ADAMTSL1: variants seen among roughly 807,000 people sequenced by gnomAD.
The protein encoded by ADAMTSL1 is ADAMTS like 1.
ADAMTSL1 carries 126 observed loss-of-function variants against 201.8 expected under a neutral mutation model. The observed-to-expected ratio is 0.62, with a 90% CI of 0.54 to 0.72. The LOEUF is 0.72. Ranked by LOEUF, ADAMTSL1 falls within the 30% of genes least tolerant of loss-of-function variation. ADAMTSL1 has a pLI of 0.00. For missense variants in ADAMTSL1, 2,679 were observed against 2,277.8 expected (o/e 1.18, Z -3.59); for synonymous variants, 1,121 against 903.4 (o/e 1.24, Z -4.32).
intron 1 of ADAMTSL1, among the ~76,000 whole-genome samples, chr9:18,062,196 T>G (rs1389236091): frequency 6.6e-6 from 1 of 152,244 alleles, no homozygotes. Flanking sequence ...TTCTGGAACA[T>G]TTCAGGTTTA....
At chr9:18,327,498 T>TC (rs1386916269) in intron 2 of ADAMTSL1, among the ~76,000 whole-genome samples, 2 of 152,214 alleles carry the variant, frequency 1.3e-5, no homozygotes, top group African/African-American at 4.8e-5. Context: ...TAGGCATTTT[T>TC]CCCCTCTTAT....
intron 5 of ADAMTSL1, among the ~76,000 whole-genome samples, chr9:18,626,865 TTC>T (rs1491126452): frequency 4.1e-5 from 6 of 145,444 alleles, no homozygotes; most frequent in African/African-American, 7.6e-5. Flanking sequence ...CTTTCTTTCT[TTC>T]TGTCTTTCTT....
At chr9:18,710,661 GTTTTGTTTTGT>G (rs1284262771) in intron 14 of ADAMTSL1, among the ~76,000 whole-genome samples, 16 of 79,644 alleles carry the variant, frequency 2.0e-4, no homozygotes, top group African/African-American at 2.2e-4. Flanking sequence ...AAGGGCCTAA[GTTTTGTTTTGT>G]TTTTTTTTTT....
intron 2 of ADAMTSL1, among the ~76,000 whole-genome samples, chr9:18,525,446 A>G (rs576319358): frequency 6.6e-6 from 1 of 151,974 alleles, no homozygotes; most frequent in South Asian, 2.1e-4. Flanking sequence ...ATCTCTTTCA[A>G]TTCTGCTCTG....
chr9:18,677,381 T>A (rs1052944140), intron 10 of ADAMTSL1, among the ~76,000 whole-genome samples: 4 of 152,026 alleles, frequency 2.6e-5, no homozygotes, highest in African/African-American at 9.7e-5. Context: ...AAAATTAATT[T>A]TTTGAAGTAA....
At chr9:18,204,240 A>G (rs1014026680) in intron 2 of ADAMTSL1, among the ~76,000 whole-genome samples, 2 of 152,066 alleles carry the variant, frequency 1.3e-5, no homozygotes, top group Non-Finnish European at 2.9e-5. Flanking sequence ...GGTGGAGGTA[A>G]TTGGATCATG....
At chr9:18,557,207 T>C (rs371459433) in intron 3 of ADAMTSL1, among the ~76,000 whole-genome samples, 1 of 152,024 alleles carries the variant, frequency 6.6e-6, no homozygotes, top group Non-Finnish European at 1.5e-5. Flanking sequence ...GAGAACACCC[T>C]GTCTCTTGCC....
chr9:17,954,103 C>T (rs1187063600), intron 1 of ADAMTSL1, among the ~76,000 whole-genome samples: 3 of 152,316 alleles, frequency 2.0e-5, no homozygotes, highest in East Asian at 3.9e-4. Context: ...GTTTTTCTCT[C>T]TAATCTGTCT....
intron 9 of ADAMTSL1, among the ~76,000 whole-genome samples, chr9:18,673,025 C>G (rs1377409906): frequency 1.3e-5 from 2 of 152,072 alleles, no homozygotes; most frequent in East Asian, 3.9e-4. Flanking sequence ...AGTTTTACCC[C>G]CAAGCCAACT....
At chr9:17,996,165 ATT>A (rs35149438) in intron 1 of ADAMTSL1, among the ~76,000 whole-genome samples, 64 of 148,286 alleles carry the variant, frequency 4.3e-4, no homozygotes, top group Admixed American at 1.6e-3. Context: ...AGTGTTTTTA[ATT>A]TTTTTTTTTT....
chr9:18,061,225 T>A (rs1215148205), intron 1 of ADAMTSL1, among the ~76,000 whole-genome samples: 1 of 152,222 alleles, frequency 6.6e-6, no homozygotes, highest in Admixed American at 6.5e-5. Flanking sequence ...GACAGGTCAC[T>A]TAGCAGCTCT....
At chr9:18,494,321 A>C (rs1189245397) in intron 1 of ADAMTSL1, among the ~76,000 whole-genome samples, 9 of 148,810 alleles carry the variant, frequency 6.0e-5, no homozygotes, top group African/African-American at 2.2e-4. Flanking sequence ...ACACGACTGC[A>C]CTCCAGTCTG....
chr9:18,759,894 T>C (rs1819969866), intron 16 of ADAMTSL1, among the ~76,000 whole-genome samples: 2 of 152,188 alleles, frequency 1.3e-5, no homozygotes. Flanking sequence ...ATTTTAATAA[T>C]TATGTTTAGT....
At chr9:18,521,233 G>A (rs531949185) in intron 2 of ADAMTSL1, among the ~76,000 whole-genome samples, 1 of 152,178 alleles carries the variant, frequency 6.6e-6, no homozygotes, top group South Asian at 2.1e-4. Flanking sequence ...TATTATTTGA[G>A]GTACAGGGTT....
At chr9:18,359,823 A>ACCCCCCCCCCCC (rs1563911432) in intron 2 of ADAMTSL1, among the ~76,000 whole-genome samples, 5 of 42,198 alleles carry the variant, frequency 1.2e-4, no homozygotes, top group Non-Finnish European at 1.4e-4. Context: ...CCACCTCCCC[A>ACCCCCCCCCCCC]CCCGCCCCCC....
At chr9:18,212,811 C>G (rs187960260) in intron 2 of ADAMTSL1, among the ~76,000 whole-genome samples, 2 of 152,230 alleles carry the variant, frequency 1.3e-5, no homozygotes, top group Admixed American at 6.5e-5. Flanking sequence ...TTAGGTCACA[C>G]TGAGACTAGG....
chr9:18,890,731 C>T (rs894294955), intron 25 of ADAMTSL1: 1 of 351,064 alleles, frequency 2.8e-6, no homozygotes, highest in Non-Finnish European at 5.6e-6. Context: ...ACCCCCCCCA[C>T]CCCAGCTCCT....
intron 2 of ADAMTSL1, among the ~76,000 whole-genome samples, chr9:18,175,206 C>G (rs1421764070): frequency 6.6e-6 from 1 of 152,062 alleles, no homozygotes. Flanking sequence ...TCTTCTTGAC[C>G]TTTAAAATAA....
chr9:18,698,916 A>G (rs1587927425), intron 13 of ADAMTSL1, among the ~76,000 whole-genome samples: 1 of 152,268 alleles, frequency 6.6e-6, no homozygotes, highest in African/African-American at 2.4e-5. Flanking sequence ...TCCGTTAGTA[A>G]GACTCCTTAT....
Sources: allele counts gnomAD v4.1 joint callset (sites outside exome capture counted in the v4.1 genomes callset), GRCh38; gene constraint gnomAD v4.1.1; transcripts MANE v1.5; gene names NCBI Gene and HGNC (gene_info 2026-07-23, HGNC 2026-07-21).